Variants in DAAM1 observed in about 807,000 individuals in gnomAD.
DAAM1 encodes dishevelled associated activator of morphogenesis 1.
Under a neutral mutation model 130.0 loss-of-function variants are expected in DAAM1, and 52 were observed. The ratio of observed to expected loss-of-function variants is 0.40; its 90% CI spans 0.32 to 0.50. The LOEUF is 0.50. Ranked by LOEUF, DAAM1 falls within the 20% of genes least tolerant of loss-of-function variation. DAAM1 has a pLI of 0.61. For synonymous variants in DAAM1, 452 were observed against 444.5 expected, an observed-to-expected ratio of 1.02 and a Z score of -0.21; for missense variants, 1,134 against 1,303.8, an observed-to-expected ratio of 0.87 and a Z score of 2.01.
chr14:59,275,275 G>A (rs542924074), intron 2 of DAAM1, among the ~76,000 whole-genome samples: 1 of 152,256 alleles, frequency 6.6e-6, no homozygotes, highest in African/African-American at 2.4e-5. Context: ...CAGGCAATGG[G>A]GCCTGTCAGA....
chr14:59,320,682 A>G, intron 5 of DAAM1, 98 bp downstream of exon 5: 1 of 818,682 alleles, frequency 1.2e-6, no homozygotes, highest in Non-Finnish European at 1.8e-6. Flanking sequence ...TTAAAACCAT[A>G]AAATTAAACC....
At chr14:59,209,238 A>T (rs1888356778) in intron 1 of DAAM1, among the ~76,000 whole-genome samples, 1 of 50,260 alleles carries the variant, frequency 2.0e-5, no homozygotes, top group Non-Finnish European at 4.6e-5. Context: ...GCTGGATGGC[A>T]CCTTTTATGA....
chr14:59,248,989 G>A (rs375355512), intron 1 of DAAM1, among the ~76,000 whole-genome samples: 61 of 152,212 alleles, frequency 4.0e-4, no homozygotes, highest in African/African-American at 1.2e-3. Context: ...GGGTTTCACC[G>A]TGTTAGCCAG....
chr14:59,317,834 T>C (rs1032072167), intron 4 of DAAM1, among the ~76,000 whole-genome samples: 1 of 152,170 alleles, frequency 6.6e-6, no homozygotes, highest in Non-Finnish European at 1.5e-5. Flanking sequence ...CTCTCACTAA[T>C]TCAGTTTTTG....
At chr14:59,199,820 T>G (rs1164982145) in intron 1 of DAAM1, among the ~76,000 whole-genome samples, 1 of 152,154 alleles carries the variant, frequency 6.6e-6, no homozygotes, top group East Asian at 1.9e-4. Context: ...TTTAACAGCA[T>G]CCCTGGCCTC....
At chr14:59,354,828 A>C (rs1265088914) in intron 19 of DAAM1, among the ~76,000 whole-genome samples, 2 of 152,222 alleles carry the variant, frequency 1.3e-5, no homozygotes, top group Non-Finnish European at 1.5e-5. Context: ...CACACCAGAC[A>C]AGTAAGTGTT....
intron 1 of DAAM1, among the ~76,000 whole-genome samples, chr14:59,238,908 G>A (rs1241465549): frequency 2.6e-5 from 4 of 152,148 alleles, no homozygotes; most frequent in Admixed American, 2.0e-4. Context: ...GGAGCCTAAG[G>A]CTACCCTTTA....
intron 2 of DAAM1, among the ~76,000 whole-genome samples, chr14:59,274,073 TA>T (rs1882844215): frequency 1.3e-5 from 2 of 152,216 alleles, no homozygotes; most frequent in South Asian, 4.1e-4. Flanking sequence ...AGTGACCAGC[TA>T]TATCTTTTAG....
chr14:59,296,297 T>A (rs1566689752), intron 3 of DAAM1, among the ~76,000 whole-genome samples: 1 of 152,198 alleles, frequency 6.6e-6, no homozygotes, highest in Non-Finnish European at 1.5e-5. Flanking sequence ...AAGCCCAGAT[T>A]GAAACAGTAA....
At chr14:59,245,906 A>G (rs12050274) in intron 1 of DAAM1, among the ~76,000 whole-genome samples, 24,372 of 152,188 alleles carry the variant, frequency 0.16, 2,422 homozygotes, top group East Asian at 0.32. Flanking sequence ...ACCATTCTTT[A>G]ATTACTTTCA....
chr14:59,261,846 A>C (rs1882170466), intron 1 of DAAM1, among the ~76,000 whole-genome samples: 1 of 152,240 alleles, frequency 6.6e-6, no homozygotes, highest in South Asian at 2.1e-4. Context: ...AGAACAAAAA[A>C]AAGTTCAAGG....
intron 1 of DAAM1, among the ~76,000 whole-genome samples, chr14:59,195,370 C>T (rs550679225): frequency 3.3e-5 from 5 of 152,230 alleles, no homozygotes; most frequent in Non-Finnish European, 5.9e-5. Flanking sequence ...GTCTCAATCT[C>T]CTGATCTCGT....
At chr14:59,194,132 T>TGATGTTGC (rs557742685) in intron 1 of DAAM1, among the ~76,000 whole-genome samples, 63,057 of 151,412 alleles carry the variant, frequency 0.42, 13,705 homozygotes, top group East Asian at 0.63. Flanking sequence ...TTATACATCC[T>TGATGTTGC]GATGTTGCCT....
chr14:59,344,275 A>G (rs572395453), intron 16 of DAAM1, among the ~76,000 whole-genome samples: 2 of 152,192 alleles, frequency 1.3e-5, no homozygotes, highest in Non-Finnish European at 2.9e-5. Context: ...TCCATCCTTA[A>G]CTTATTTTAA....
At chr14:59,220,453 T>C (rs1888733598) in intron 1 of DAAM1, among the ~76,000 whole-genome samples, 2 of 152,214 alleles carry the variant, frequency 1.3e-5, no homozygotes, top group South Asian at 2.1e-4. Context: ...TTTTGAAGAA[T>C]GAACTGGCTT....
intron 4 of DAAM1, among the ~76,000 whole-genome samples, chr14:59,316,493 A>T (rs902349370): frequency 5.3e-5 from 8 of 152,214 alleles, no homozygotes; most frequent in African/African-American, 1.9e-4. Flanking sequence ...TATATAAATT[A>T]TAGAAGAAAC....
intron 2 of DAAM1, among the ~76,000 whole-genome samples, chr14:59,282,471 A>C (rs1883266817): frequency 6.6e-6 from 1 of 152,170 alleles, no homozygotes. Context: ...GTAAGCCATA[A>C]AGCCAGATGT....
At chr14:59,262,158 A>AT (rs1376586071) in intron 1 of DAAM1, among the ~76,000 whole-genome samples, 1 of 151,794 alleles carries the variant, frequency 6.6e-6, no homozygotes, top group Non-Finnish European at 1.5e-5. Flanking sequence ...TGAAAAGAAC[A>AT]TTTTTTTTCT....
intron 1 of DAAM1, among the ~76,000 whole-genome samples, chr14:59,196,179 A>G (rs1483324186): frequency 2.0e-5 from 3 of 152,152 alleles, no homozygotes; most frequent in African/African-American, 4.8e-5. Context: ...GATGCCATCA[A>G]TGTGTGTTTG....
Sources: gnomAD v4.1 joint callset for allele counts (sites outside exome capture counted in the v4.1 genomes callset) on GRCh38, gnomAD v4.1.1 for gene constraint, MANE v1.5 for transcripts, NCBI Gene and HGNC (gene_info 2026-07-23, HGNC 2026-07-21) for gene names.